Variants in TENM3 observed in about 807,000 individuals in gnomAD.
The protein encoded by TENM3 is teneurin-3.
A neutral mutation model predicts 255.1 loss-of-function variants in TENM3; 63 were observed. The ratio of observed to expected loss-of-function variants is 0.25; its 90% CI spans 0.20 to 0.30. The LOEUF is 0.30. Among genes scored for constraint, TENM3 ranks in the 10% least tolerant of loss-of-function variants. The pLI is 1.00. For missense variants in TENM3, 2,929 were observed against 3,461.1 expected, an observed-to-expected ratio of 0.85 and a Z score of 3.86; for synonymous variants, 1,306 against 1,322.3, an observed-to-expected ratio of 0.99 and a Z score of 0.27.
chr4:182,720,365 T>TAA (rs78196677), intron 13 of TENM3, among the ~76,000 whole-genome samples: 1 of 148,342 alleles, frequency 6.7e-6, no homozygotes, highest in South Asian at 2.1e-4. Flanking sequence ...AGAGGGAGTT[T>TAA]AAAAAAAAAA....
At chr4:182,732,069 CCG>C (rs1579277423) in intron 16 of TENM3, among the ~76,000 whole-genome samples, 2 of 152,096 alleles carry the variant, frequency 1.3e-5, no homozygotes, top group Non-Finnish European at 2.9e-5. Context: ...GTGTGAGCCA[CCG>C]CACCCGGCCT....
chr4:182,689,272 G>C (rs1302327913), intron 12 of TENM3, among the ~76,000 whole-genome samples: 1 of 152,132 alleles, frequency 6.6e-6, no homozygotes, highest in Non-Finnish European at 1.5e-5. Flanking sequence ...TAAATCTGTT[G>C]TGGGGAGTGT....
At chr4:182,231,305 G>A (rs556945284) in intron 1 of TENM3, among the ~76,000 whole-genome samples, 22 of 152,168 alleles carry the variant, frequency 1.4e-4, no homozygotes, top group African/African-American at 5.3e-4. Context: ...TACTGGTCTT[G>A]GGAGCTGCAG....
chr4:182,613,257 A>G (rs973692724), intron 4 of TENM3, among the ~76,000 whole-genome samples: 1 of 152,216 alleles, frequency 6.6e-6, no homozygotes, highest in Non-Finnish European at 1.5e-5. Flanking sequence ...GATATATGAA[A>G]ACATGTAAGA....
the TENM3 span, among the ~76,000 whole-genome samples, chr4:181,598,883 T>C: frequency 2.0e-5 from 3 of 152,190 alleles, no homozygotes; most frequent in Non-Finnish European, 4.4e-5. Context: ...CGCAGGTTTT[T>C]CAAATGTATG....
intron 3 of TENM3, among the ~76,000 whole-genome samples, chr4:182,507,503 C>T (rs1456666013): frequency 6.6e-6 from 1 of 150,738 alleles, no homozygotes; most frequent in African/African-American, 2.4e-5. Flanking sequence ...GCAATTCCGT[C>T]AGAATTTTTT....
chr4:181,580,978 T>C, the TENM3 span, among the ~76,000 whole-genome samples: 31 of 152,308 alleles, frequency 2.0e-4, no homozygotes, highest in Non-Finnish European at 3.1e-4. Context: ...AGTTGCCTTG[T>C]ATTTTTTCTG....
the TENM3 span, among the ~76,000 whole-genome samples, chr4:181,476,975 G>C: frequency 1.1e-4 from 16 of 152,266 alleles, no homozygotes; most frequent in African/African-American, 3.4e-4. Flanking sequence ...AGCTACAGAG[G>C]TTCCAGCATT....
chr4:181,777,712 T>G, the TENM3 span, among the ~76,000 whole-genome samples: 1 of 152,170 alleles, frequency 6.6e-6, no homozygotes, highest in Admixed American at 6.6e-5. Flanking sequence ...TCTTAAAAAT[T>G]GCTGACTATA....
the TENM3 span, among the ~76,000 whole-genome samples, chr4:182,062,529 G>A: frequency 1.3e-5 from 2 of 152,162 alleles, no homozygotes; most frequent in Non-Finnish European, 1.5e-5. Flanking sequence ...AAGTTATACC[G>A]TGTTGACAGA....
At chr4:181,914,024 C>T in the TENM3 span, among the ~76,000 whole-genome samples, 4 of 152,166 alleles carry the variant, frequency 2.6e-5, no homozygotes, top group African/African-American at 4.8e-5. Context: ...ATTGCGATCA[C>T]CTCTCAACTG....
chr4:182,503,266 C>G (rs1269507555), intron 3 of TENM3, among the ~76,000 whole-genome samples: 2 of 152,092 alleles, frequency 1.3e-5, no homozygotes, highest in Non-Finnish European at 2.9e-5. Context: ...TTTAGACTTT[C>G]AACCTGTCCC....
chr4:182,654,479 A>T (rs1461152012), intron 6 of TENM3, among the ~76,000 whole-genome samples: 2 of 151,796 alleles, frequency 1.3e-5, no homozygotes, highest in African/African-American at 4.8e-5. Flanking sequence ...AAGCGTATAC[A>T]TACATATGTA....
At chr4:182,638,140 G>A (rs1276801527) in intron 5 of TENM3, among the ~76,000 whole-genome samples, 1 of 151,790 alleles carries the variant, frequency 6.6e-6, no homozygotes, top group Non-Finnish European at 1.5e-5. Flanking sequence ...GGGGTAACTA[G>A]ATCTATAATT....
the TENM3 span, among the ~76,000 whole-genome samples, chr4:181,486,668 A>G: frequency 1.3e-5 from 2 of 152,130 alleles, no homozygotes; most frequent in African/African-American, 4.8e-5. Context: ...TTACAACACC[A>G]CAGTTGATGT....
At chr4:182,456,991 T>A (rs1353125249) in intron 3 of TENM3, among the ~76,000 whole-genome samples, 1 of 152,114 alleles carries the variant, frequency 6.6e-6, no homozygotes, top group Admixed American at 6.5e-5. Context: ...AAGACCAGCC[T>A]GGCCAACATG....
chr4:181,510,061 C>T, the TENM3 span, among the ~76,000 whole-genome samples: 1 of 152,322 alleles, frequency 6.6e-6, no homozygotes, highest in East Asian at 1.9e-4. Flanking sequence ...CCGTCTCCTC[C>T]ATATGTGAGT....
At chr4:182,318,259 T>C (rs1762858772) in intron 1 of TENM3, among the ~76,000 whole-genome samples, 1 of 152,194 alleles carries the variant, frequency 6.6e-6, no homozygotes, top group Non-Finnish European at 1.5e-5. Flanking sequence ...TACATAGATA[T>C]ATATAACCTT....
At chr4:182,339,854 G>T (rs1294851590) in intron 2 of TENM3, among the ~76,000 whole-genome samples, 1 of 152,222 alleles carries the variant, frequency 6.6e-6, no homozygotes, top group Non-Finnish European at 1.5e-5. Context: ...TTGTTCTAAA[G>T]AAGTCATTTC....
Sources: gnomAD v4.1 joint callset for allele counts (sites outside exome capture counted in the v4.1 genomes callset) on GRCh38, gnomAD v4.1.1 for gene constraint, MANE v1.5 for transcripts, NCBI Gene and HGNC (gene_info 2026-07-23, HGNC 2026-07-21) for gene names.